The following DYNC2H1 variants were observed in gnomAD, a reference collection of about 807,000 sequenced individuals.
The protein encoded by DYNC2H1 is dynein cytoplasmic 2 heavy chain 1.
A neutral mutation model predicts 570.0 loss-of-function variants in DYNC2H1; 410 were observed. That is an observed-to-expected ratio of 0.72 (90% CI 0.66 to 0.78). The LOEUF (loss-of-function observed/expected upper bound fraction) is 0.78, where lower values mean the gene tolerates loss of function less well. Among genes scored for constraint, DYNC2H1 ranks in the 30% least tolerant of loss-of-function variants. DYNC2H1 has a pLI of 0.00. For missense variants in DYNC2H1, 4,865 were observed against 5,046.4 expected, an observed-to-expected ratio of 0.96 and a Z score of 1.09; for synonymous variants, 1,688 against 1,677.6, an observed-to-expected ratio of 1.01 and a Z score of -0.15.
At chr11:103,330,347 G>C (rs1938714139) in intron 82 of DYNC2H1, among the ~76,000 whole-genome samples, 1 of 151,886 alleles carries the variant, frequency 6.6e-6, no homozygotes, top group Non-Finnish European at 1.5e-5. Context: ...TTGAGTAAAT[G>C]AGAAACACTT....
intron 72 of DYNC2H1, 100 bp from the exon 73 acceptor site, chr11:103,282,908 A>G (rs1866197662): frequency 5.9e-6 from 5 of 849,110 alleles, no homozygotes; most frequent in Non-Finnish European, 9.1e-6. Context: ...AATGCATAGA[A>G]TGAATTTTTT....
chr11:103,314,659 G>A (rs1300149658), intron 79 of DYNC2H1, among the ~76,000 whole-genome samples: 1 of 151,832 alleles, frequency 6.6e-6, no homozygotes, highest in Non-Finnish European at 1.5e-5. Context: ...AAAAAAAGTT[G>A]GAGAATGTCA....
In DYNC2H1 at chr11:103,252,469, CCAA is replaced by C. The variant is rs1032673961; in HGVS notation, c.10043-812_10043-810del. 9.9e-5 allele frequency among the ~76,000 whole-genome samples: 15 copies of C among 152,228 alleles called. No homozygotes were observed. In the East Asian group the frequency reaches 2.9e-3, roughly 29 times the overall value. Reference sequence around the variant, plus strand: ...ATGGCTGCCCTGGTCTTCATTCCCACCAACAATTCCCTTTTCTCCGTATCTTCA... The same window carrying C: ...ATGGCTGCCCTGGTCTTCATTCCCACCAATTCCCTTTTCTCCGTATCTTCA... On this transcript the variant is annotated intron_variant, in intron 65 of 88. Coordinates refer to ENST00000375735, the MANE Select transcript of DYNC2H1 (RefSeq NM_001377.3). The surrounding 1 kb of genome is among the most constrained non-coding windows in gnomAD (Gnocchi z 4.6).
Position 103,435,909 on chromosome 11 carries a change from C to T in DYNC2H1, c.12367-34C>T, listed in dbSNP as rs1201911483. On this transcript the variant is annotated intron_variant, in intron 84 of 88. Transcript: ENST00000375735. ...AGTCTTCTATATGTAGTATCATATA[C>T]ACAAACTTAATTTTGACCCTTTTTA... The T allele has an allele frequency of 5.6e-6, 9 of 1,601,280 alleles. No homozygotes were observed. The South Asian group carries it at 7.9e-5, about 14-fold the overall frequency.
intron 70 of DYNC2H1, among the ~76,000 whole-genome samples, chr11:103,262,631 C>T (rs1025802573): frequency 2.6e-5 from 4 of 152,188 alleles, no homozygotes; most frequent in Non-Finnish European, 5.9e-5. Flanking sequence ...AAATAAAATC[C>T]TTTACAGACA....
chr11:103,401,738 G>C (rs759929735), intron 84 of DYNC2H1, among the ~76,000 whole-genome samples: 1 of 152,016 alleles, frequency 6.6e-6, no homozygotes, highest in Non-Finnish European at 1.5e-5. Flanking sequence ...TAAAGTGCTT[G>C]GCACATAGCA....
At chr11:103,390,934 T>A (rs572024665) in intron 83 of DYNC2H1, among the ~76,000 whole-genome samples, 29 of 152,344 alleles carry the variant, frequency 1.9e-4, no homozygotes, top group African/African-American at 6.7e-4. Flanking sequence ...TTACCATTTT[T>A]TCCTTCATTT....
intron 75 of DYNC2H1, among the ~76,000 whole-genome samples, chr11:103,287,905 CCGG>C (rs1866413085): frequency 1.3e-5 from 2 of 151,994 alleles, no homozygotes; most frequent in South Asian, 4.2e-4. Context: ...GTGTGGGAGA[CCGG>C]AGTTTTATTA....
intron 17 of DYNC2H1, among the ~76,000 whole-genome samples, chr11:103,138,867 A>G (rs1182203825): frequency 6.6e-6 from 1 of 151,752 alleles, no homozygotes; most frequent in Non-Finnish European, 1.5e-5. Context: ...TTGGTAAGCT[A>G]TTGATTATTG....
chr11:103,162,963 TTA>T, intron 29 of DYNC2H1, 63 bp from the exon 30 acceptor site: 3 of 1,413,020 alleles, frequency 2.1e-6, no homozygotes, highest in Non-Finnish European at 2.9e-6. Context: ...ATTTTATGTC[TTA>T]TATATATTAT....
intron 83 of DYNC2H1, among the ~76,000 whole-genome samples, chr11:103,360,172 A>G (rs1940570482): frequency 6.6e-6 from 1 of 152,120 alleles, no homozygotes; most frequent in Non-Finnish European, 1.5e-5. Flanking sequence ...ATTTTAGGAG[A>G]AATTACTATT....
Position 103,186,525 on chromosome 11 carries a change from A to G in DYNC2H1, c.6893+24A>G, listed in dbSNP as rs775917995. 5 of 1,600,546 alleles carry G rather than the reference A, an allele frequency of 3.1e-6. No homozygotes were observed. Among genetic ancestry groups the G allele is most frequent in the South Asian group, 2.2e-5 (2 of 90,742 alleles). ...GGGTAAGAAAAATATTGGCAAAGGTATATGTTGTGGATTTATTCCTGCCGC... is the reference window on the plus strand; with the variant it reads ...GGGTAAGAAAAATATTGGCAAAGGTGTATGTTGTGGATTTATTCCTGCCGC... On this transcript the variant is annotated intron_variant, in intron 42 of 88. Transcript: ENST00000375735. The surrounding 1 kb of genome is among the most constrained non-coding windows in gnomAD (Gnocchi z 4.5).
chr11:103,205,955 T>C lies in DYNC2H1; in HGVS notation c.8454+991T>C, dbSNP rs1862906354. ...GCTTTTCCTGAGAACTAACTTACTT[T>C]TGGATGCTTTCGAACAGAAATATTC... On this transcript the variant is annotated intron_variant, in intron 52 of 88. Transcript: ENST00000375735. This position sits in a 1 kb window ranked among gnomAD's most constrained non-coding sequence, Gnocchi z 4.5. Among the ~76,000 whole-genome samples, 1 of 152,156 alleles carries C rather than the reference T, an allele frequency of 6.6e-6. No individual in the cohort carries two copies. Among genetic ancestry groups the C allele is most frequent in the Non-Finnish European group, 1.5e-5 (1 of 68,028 alleles).
intron 87 of DYNC2H1, among the ~76,000 whole-genome samples, chr11:103,467,915 A>T (rs746768389): frequency 1.3e-5 from 2 of 152,224 alleles, no homozygotes; most frequent in Non-Finnish European, 2.9e-5. Flanking sequence ...CTTAGGGCAA[A>T]GTGCCAGAAG....
chr11:103,361,699 G>A (rs1278848772), intron 83 of DYNC2H1, among the ~76,000 whole-genome samples: 1 of 152,178 alleles, frequency 6.6e-6, no homozygotes, highest in African/African-American at 2.4e-5. Context: ...AGCAGATGAA[G>A]AGCAGTGGGT....
Position 103,207,170 on chromosome 11 carries a change from C to T in DYNC2H1, c.8454+2206C>T, listed in dbSNP as rs1238970320. On this transcript the variant is annotated intron_variant, in intron 52 of 88. Coordinates refer to ENST00000375735, the MANE Select transcript of DYNC2H1 (RefSeq NM_001377.3). ...TCCTGACCTCAATTGATCCACCTGCCTCGGCCTCCCAAAGTGCTAGGATTA... is the reference window on the plus strand; with the variant it reads ...TCCTGACCTCAATTGATCCACCTGCTTCGGCCTCCCAAAGTGCTAGGATTA... Among the ~76,000 whole-genome samples the T allele has an allele frequency of 3.3e-5, 5 of 151,036 alleles. No homozygotes were observed. The East Asian group carries it at 9.8e-4, about 29-fold the overall frequency.
At chr11:103,338,391 T>G (rs930995767) in intron 82 of DYNC2H1, among the ~76,000 whole-genome samples, 1 of 152,200 alleles carries the variant, frequency 6.6e-6, no homozygotes, top group Non-Finnish European at 1.5e-5. Flanking sequence ...TTAGGAGTTT[T>G]TTTTCTATTT....
At chr11:103,284,452 T>C (rs1189691341) in intron 73 of DYNC2H1, among the ~76,000 whole-genome samples, 1 of 152,140 alleles carries the variant, frequency 6.6e-6, no homozygotes, top group Non-Finnish European at 1.5e-5. Flanking sequence ...CAAACTTACA[T>C]TGTAGAGAGC....
chr11:103,317,159 A>G (rs1372868895), intron 80 of DYNC2H1, among the ~76,000 whole-genome samples: 1 of 152,142 alleles, frequency 6.6e-6, no homozygotes, highest in African/African-American at 2.4e-5. Context: ...AGTTTAGACC[A>G]ATGATGGATT....
Sources: gnomAD v4.1 joint callset for allele counts (sites outside exome capture counted in the v4.1 genomes callset) on GRCh38, gnomAD v4.1.1 for gene constraint, Gnocchi (gnomAD v3.1) non-coding constraint, MANE v1.5 for transcripts, NCBI Gene and HGNC (gene_info 2026-07-23, HGNC 2026-07-21) for gene names.